MTHFD2L: variants seen among roughly 807,000 people sequenced by gnomAD.
MTHFD2L encodes methylenetetrahydrofolate dehydrogenase (NADP+ dependent) 2 like.
Under a neutral mutation model 34.9 loss-of-function variants are expected in MTHFD2L, and 29 were observed. The ratio of observed to expected loss-of-function variants is 0.83; its 90% CI spans 0.62 to 1.13. MTHFD2L has a LOEUF of 1.13. MTHFD2L is among the 50% of genes most tolerant of loss of function. The pLI, the probability that MTHFD2L is intolerant of heterozygous loss-of-function variation, is 0.00. For synonymous variants in MTHFD2L, 167 were observed against 155.7 expected (o/e 1.07, Z -0.54); for missense variants, 481 against 446.5 (o/e 1.08, Z -0.70).
At chr4:74,243,763 A>C (rs1405362541) in intron 6 of MTHFD2L, among the ~76,000 whole-genome samples, 1 of 152,202 alleles carries the variant, frequency 6.6e-6, no homozygotes, top group African/African-American at 2.4e-5. Flanking sequence ...GCAAGGTAAC[A>C]GAGCCACGCA....
At chr4:74,272,481 A>G (rs1413195366) in intron 6 of MTHFD2L, among the ~76,000 whole-genome samples, 2 of 152,100 alleles carry the variant, frequency 1.3e-5, no homozygotes, top group African/African-American at 4.8e-5. Flanking sequence ...CCTTTAAAGC[A>G]CTTCCATTTT....
chr4:74,221,985 G>A (rs1028854172), intron 5 of MTHFD2L, among the ~76,000 whole-genome samples: 3 of 151,422 alleles, frequency 2.0e-5, no homozygotes, highest in South Asian at 2.1e-4. Context: ...TTTTGTCTCC[G>A]ACCTGCTATT....
At chr4:74,177,840 A>T (rs1729345908) in intron 3 of MTHFD2L, among the ~76,000 whole-genome samples, 1 of 152,034 alleles carries the variant, frequency 6.6e-6, no homozygotes, top group African/African-American at 2.4e-5. Context: ...TAAGATACAT[A>T]ATCAACTTTA....
intron 6 of MTHFD2L, among the ~76,000 whole-genome samples, chr4:74,241,064 A>G (rs957749366): frequency 3.9e-5 from 6 of 152,170 alleles, no homozygotes; most frequent in African/African-American, 1.4e-4. Context: ...TCATTTCCAT[A>G]TATGTAGTAT....
At chr4:74,244,069 G>T (rs1742083615) in intron 6 of MTHFD2L, among the ~76,000 whole-genome samples, 1 of 152,134 alleles carries the variant, frequency 6.6e-6, no homozygotes, top group Non-Finnish European at 1.5e-5. Flanking sequence ...TGTTGGGGGT[G>T]GGTTCTCAAA....
At position 74,287,884 on chromosome 4, in the gene MTHFD2L, A is replaced by G. The variant is rs188065163; in HGVS notation, c.931+6334A>G. On this transcript the variant is annotated intron_variant, in intron 7 of 7. Transcript: ENST00000325278. ...TTTATATTAGTTTTCCAGAAATGCC[A>G]TAACAAAGTACCACAGACAGAATGG... is the stretch of plus-strand genomic sequence containing the variant. Among the ~76,000 whole-genome samples, 220 of 152,354 alleles carry G rather than the reference A, an allele frequency of 1.4e-3. 1 individual carries two copies. Among genetic ancestry groups the G allele is most frequent in the African/African-American group, 5.0e-3 (208 of 41,586 alleles).
At chr4:74,200,931 G>C (rs1734308068) in intron 4 of MTHFD2L, among the ~76,000 whole-genome samples, 2 of 152,050 alleles carry the variant, frequency 1.3e-5, no homozygotes, top group South Asian at 4.1e-4. Flanking sequence ...GTTCGACATT[G>C]TTGTACTTTG....
intron 1 of MTHFD2L, among the ~76,000 whole-genome samples, chr4:74,173,177 C>A (rs575180934): frequency 6.6e-6 from 1 of 152,222 alleles, no homozygotes; most frequent in African/African-American, 2.4e-5. Context: ...GAAGAAGGGA[C>A]CACCTTCTAC....
At chr4:74,180,386 C>T (rs909633503) in intron 3 of MTHFD2L, among the ~76,000 whole-genome samples, 1 of 152,156 alleles carries the variant, frequency 6.6e-6, no homozygotes, top group East Asian at 1.9e-4. Flanking sequence ...TAGTTGATTA[C>T]ACCTTCAAGC....
intron 1 of MTHFD2L, among the ~76,000 whole-genome samples, chr4:74,152,148 C>G (rs1723977685): frequency 6.6e-6 from 1 of 151,864 alleles, no homozygotes; most frequent in African/African-American, 2.4e-5. Context: ...TTACATTTAT[C>G]AGTTATATTG....
chr4:74,158,616 A>G (rs1238255268), intron 1 of MTHFD2L, among the ~76,000 whole-genome samples: 1 of 152,216 alleles, frequency 6.6e-6, no homozygotes, highest in East Asian at 1.9e-4. Flanking sequence ...ATTTGTTTTT[A>G]CTTTGGTTAT....
chr4:74,185,444 A>G (rs1010138164), intron 3 of MTHFD2L, among the ~76,000 whole-genome samples: 8 of 152,058 alleles, frequency 5.3e-5, no homozygotes, highest in African/African-American at 1.9e-4. Context: ...CAAATTAAAC[A>G]CAACATAAAA....
chr4:74,241,420 GTC>G (rs1388059365), intron 6 of MTHFD2L: 2 of 163,440 alleles, frequency 1.2e-5, no homozygotes, highest in East Asian at 1.8e-4. Flanking sequence ...TATTTATAGG[GTC>G]TCTCTCTATT....
chr4:74,267,304 CT>C (rs11332631), intron 6 of MTHFD2L: 208,343 of 842,390 alleles, frequency 0.25, 32,288 homozygotes, highest in African/African-American at 0.67. Flanking sequence ...CTTTTCTTTT[CT>C]TTTCTTTCTT....
At chr4:74,194,118 T>G (rs1733064328) in intron 3 of MTHFD2L, 1 of 152,198 alleles carries the variant, frequency 6.6e-6, no homozygotes, top group Non-Finnish European at 1.5e-5. Flanking sequence ...CTCTGGTAAG[T>G]TATCTTATCC....
intron 1 of MTHFD2L, among the ~76,000 whole-genome samples, chr4:74,132,037 G>T (rs1055149584): frequency 2.0e-5 from 3 of 152,140 alleles, no homozygotes; most frequent in Admixed American, 6.6e-5. Context: ...AAACCACAAT[G>T]AGATACCATC....
At chr4:74,165,347 A>G (rs1578309502) in intron 1 of MTHFD2L, among the ~76,000 whole-genome samples, 2 of 152,078 alleles carry the variant, frequency 1.3e-5, no homozygotes, top group African/African-American at 2.4e-5. Flanking sequence ...AAAAAAGTTA[A>G]TAAGATCTTA....
intron 1 of MTHFD2L, among the ~76,000 whole-genome samples, chr4:74,151,643 C>A (rs1040714959): frequency 1.3e-5 from 2 of 152,172 alleles, no homozygotes; most frequent in African/African-American, 4.8e-5. Flanking sequence ...TGGCACATAG[C>A]AAATTCAGGG....
At chr4:74,150,806 T>C (rs1261316126) in intron 1 of MTHFD2L, among the ~76,000 whole-genome samples, 1 of 152,050 alleles carries the variant, frequency 6.6e-6, no homozygotes, top group Non-Finnish European at 1.5e-5. Context: ...TATATACATG[T>C]GACACTTTTC....
Sources: allele counts gnomAD v4.1 joint callset (sites outside exome capture counted in the v4.1 genomes callset), GRCh38; gene constraint gnomAD v4.1.1; transcripts MANE v1.5; gene names NCBI Gene and HGNC (gene_info 2026-07-23, HGNC 2026-07-21).